EXOC4: variants seen among roughly 807,000 people sequenced by gnomAD.
EXOC4 encodes the protein SEC8-like 1.
EXOC4 carries 71 observed loss-of-function variants against 107.2 expected under a neutral mutation model. That is an observed-to-expected ratio of 0.66 (90% confidence interval 0.55 to 0.81). The LOEUF is 0.81. Among genes scored for constraint, EXOC4 ranks in the 30% least tolerant of loss-of-function variants. The pLI, the probability that EXOC4 is intolerant of heterozygous loss-of-function variation, is 0.00. For missense variants in EXOC4, 1,108 were observed against 1,189.6 expected (o/e 0.93, Z 1.01); for synonymous variants, 456 against 441.2 (o/e 1.03, Z -0.42).
chr7:133,697,252 C>T (rs910595528), intron 10 of EXOC4, among the ~76,000 whole-genome samples: 3 of 151,902 alleles, frequency 2.0e-5, no homozygotes, highest in Non-Finnish European at 2.9e-5. Flanking sequence ...ATCTTTGTCT[C>T]TGTTTTTTTA....
chr7:133,295,488 T>TC (rs547152029), intron 3 of EXOC4, among the ~76,000 whole-genome samples: 22 of 152,146 alleles, frequency 1.4e-4, no homozygotes, highest in Non-Finnish European at 2.6e-4. Flanking sequence ...GCTTGTAAAA[T>TC]CTACTTTTAG....
chr7:133,444,171 A>C (rs1798166808), intron 7 of EXOC4, among the ~76,000 whole-genome samples: 1 of 152,164 alleles, frequency 6.6e-6, no homozygotes, highest in African/African-American at 2.4e-5. Flanking sequence ...AAGTCAGCCT[A>C]GCTGACCAGA....
intron 7 of EXOC4, among the ~76,000 whole-genome samples, chr7:133,380,658 A>T (rs1490228656): frequency 6.6e-6 from 1 of 152,104 alleles, no homozygotes; most frequent in African/African-American, 2.4e-5. Flanking sequence ...AGTTTAAGAG[A>T]AAGTAGACAA....
intron 8 of EXOC4, chr7:133,479,022 C>G (rs1323695464): frequency 6.6e-6 from 1 of 152,118 alleles, no homozygotes; most frequent in Non-Finnish European, 1.5e-5. Context: ...ATAAAGAAGG[C>G]ATAATTAAGA....
At chr7:133,255,597 C>A (rs1185915594) in intron 1 of EXOC4, among the ~76,000 whole-genome samples, 1 of 152,144 alleles carries the variant, frequency 6.6e-6, no homozygotes, top group African/African-American at 2.4e-5. Flanking sequence ...TTTATTAAGG[C>A]TTGGGATGCA....
chr7:133,376,189 A>G lies in EXOC4; in HGVS notation c.1182+1187A>G, dbSNP rs181023555. On this transcript the variant is annotated intron_variant, in intron 7 of 17. Coordinates refer to ENST00000253861, the MANE Select transcript of EXOC4 (RefSeq NM_021807.4). ...TCATTCATTAGACAACTTTTGGTAC[A>G]GTGTATATGCTTTACTGGTGGTTCA... Among the ~76,000 whole-genome samples the G allele has an allele frequency of 2.6e-4, 39 of 152,300 alleles. No individual in the cohort carries two copies. The Middle Eastern group carries it at 0.014, about 53-fold the overall frequency.
chr7:133,989,362 G>A (rs565625662), intron 14 of EXOC4, among the ~76,000 whole-genome samples: 1 of 152,220 alleles, frequency 6.6e-6, no homozygotes, highest in Non-Finnish European at 1.5e-5. Context: ...TAAGGTTTAG[G>A]AGCCATCATT....
intron 11 of EXOC4, among the ~76,000 whole-genome samples, chr7:133,885,396 C>T (rs1462955426): frequency 6.6e-6 from 1 of 152,036 alleles, no homozygotes; most frequent in Non-Finnish European, 1.5e-5. Flanking sequence ...TTATCCACTA[C>T]TCCAATTATA....
intron 9 of EXOC4, among the ~76,000 whole-genome samples, chr7:133,527,334 G>A (rs568326222): frequency 6.6e-4 from 100 of 152,152 alleles, no homozygotes; most frequent in Non-Finnish European, 1.2e-3. Flanking sequence ...AACCTGGGAC[G>A]TGGAGGTTGC....
intron 11 of EXOC4, among the ~76,000 whole-genome samples, chr7:133,881,250 T>TCACGCATA (rs1301988412): frequency 6.6e-6 from 1 of 152,024 alleles, no homozygotes; most frequent in Admixed American, 6.6e-5. Flanking sequence ...TCCCACCTGA[T>TCACGCATA]CACGCATACA....
At chr7:134,085,096 C>T in the EXOC4 span, among the ~76,000 whole-genome samples, 1 of 152,138 alleles carries the variant, frequency 6.6e-6, no homozygotes, top group African/African-American at 2.4e-5. Flanking sequence ...GGTGCATACT[C>T]CTAAATTAGG....
intron 10 of EXOC4, among the ~76,000 whole-genome samples, chr7:133,769,412 T>C (rs1469394935): frequency 1.3e-5 from 2 of 151,900 alleles, no homozygotes; most frequent in African/African-American, 4.8e-5. Flanking sequence ...CATTCCCAAT[T>C]AATGCACCAT....
At chr7:133,445,379 T>C (rs1798194962) in intron 7 of EXOC4, among the ~76,000 whole-genome samples, 1 of 152,208 alleles carries the variant, frequency 6.6e-6, no homozygotes, top group Non-Finnish European at 1.5e-5. Flanking sequence ...ACTCTTTCCT[T>C]TGCAGTTGTG....
chr7:133,659,278 C>T (rs1803378490), intron 10 of EXOC4, among the ~76,000 whole-genome samples: 1 of 151,976 alleles, frequency 6.6e-6, no homozygotes, highest in South Asian at 2.1e-4. Context: ...GCAGCTATTT[C>T]ATAGAGTTGC....
At chr7:133,771,837 A>T (rs1256160458) in intron 10 of EXOC4, among the ~76,000 whole-genome samples, 2 of 151,954 alleles carry the variant, frequency 1.3e-5, no homozygotes, top group Non-Finnish European at 2.9e-5. Context: ...AGAATGAGGT[A>T]TGGGAGGGAA....
At chr7:133,911,054 A>T (rs1484688807) in intron 12 of EXOC4, among the ~76,000 whole-genome samples, 2 of 152,104 alleles carry the variant, frequency 1.3e-5, no homozygotes, top group Non-Finnish European at 2.9e-5. Context: ...TCGAGGGTGG[A>T]CCTTTCTCTT....
chr7:133,282,196 C>G (rs886786957), intron 2 of EXOC4, among the ~76,000 whole-genome samples: 2 of 152,304 alleles, frequency 1.3e-5, no homozygotes, highest in East Asian at 1.9e-4. Context: ...TTCAACTTCT[C>G]TGCCGTCTGT....
chr7:133,694,883 C>T (rs549045576), intron 10 of EXOC4, among the ~76,000 whole-genome samples: 52 of 152,262 alleles, frequency 3.4e-4, no homozygotes, highest in Middle Eastern at 6.8e-3. Flanking sequence ...TGTGCAATGG[C>T]GCAATCTCAG....
intron 10 of EXOC4, among the ~76,000 whole-genome samples, chr7:133,765,210 T>A (rs1796111251): frequency 6.6e-6 from 1 of 152,066 alleles, no homozygotes; most frequent in Non-Finnish European, 1.5e-5. Context: ...TTCATTGAAC[T>A]GGATATTGCA....
Sources: allele counts gnomAD v4.1 joint callset (sites outside exome capture counted in the v4.1 genomes callset), GRCh38; gene constraint gnomAD v4.1.1; transcripts MANE v1.5; gene names NCBI Gene and HGNC (gene_info 2026-07-23, HGNC 2026-07-21).